TRAF3IP2: variants seen among roughly 807,000 people sequenced by gnomAD.
The protein encoded by TRAF3IP2 is TRAF3 interacting protein 2, also known as E3 ubiquitin ligase TRAF3IP2.
A neutral mutation model predicts 57.9 loss-of-function variants in TRAF3IP2; 35 were observed. The observed-to-expected ratio is 0.60, with a 90% CI of 0.46 to 0.80. The LOEUF (loss-of-function observed/expected upper bound fraction) is 0.80. Among genes scored for constraint, TRAF3IP2 ranks in the 30% least tolerant of loss-of-function variants. The pLI is 0.00. For missense variants in TRAF3IP2, 556 were observed against 706.4 expected, an observed-to-expected ratio of 0.79 and a Z score of 2.41; for synonymous variants, 251 against 268.9, an observed-to-expected ratio of 0.93 and a Z score of 0.65.
intron 1 of TRAF3IP2, chr6:111,601,344 G>T: frequency 1.8e-6 from 1 of 558,834 alleles, no homozygotes; most frequent in South Asian, 2.6e-5. Context: ...GCATTTGACT[G>T]GATCTCATTA....
chr6:111,574,876 TAAGCAAA>T (rs1226971225), intron 4 of TRAF3IP2: 3 of 152,258 alleles, frequency 2.0e-5, no homozygotes, highest in Non-Finnish European at 2.9e-5. Flanking sequence ...GGTTACTTTT[TAAGCAAA>T]AAGCAAAAAA....
rs1378483490 is a variant in TRAF3IP2, at chr6:111,559,171, G to C, written c.*234C>G. On this transcript the variant is annotated 3_prime_UTR_variant, in exon 9 of 9. Transcript: ENST00000368761. ...CATATGGGACACTGGCACCTGCAAT[G>C]GTTTTTTTAAAAGCAGAGAATGCAG... is the stretch of plus-strand genomic sequence containing the variant. 1.3e-5 allele frequency: 6 copies of C among 479,058 alleles called. No individual in the cohort carries two copies. The highest frequency in any genetic ancestry group is 1.2e-4 in the African/African-American group (6 of 52,082). The allele number at this position is 479,058 out of a possible 1,614,324, so 29.7% of individuals were successfully genotyped here.
rs911311694 is a variant in TRAF3IP2, at chr6:111,598,765, A to G, written c.-8-6671T>C. Among the ~76,000 whole-genome samples the G allele has an allele frequency of 2.6e-5, 4 of 152,344 alleles. No individual in the cohort carries two copies. The East Asian group carries it at 7.7e-4, about 29-fold the overall frequency. On this transcript the variant is annotated intron_variant, in intron 1 of 8. Coordinates refer to ENST00000368761, the MANE Select transcript of TRAF3IP2 (RefSeq NM_147686.4). ...AAGTGCATCTATTTTGACTTAAAAG[A>G]TAAAAAATGAAAAGGAAAGGCTCCA...
intron 8 of TRAF3IP2, among the ~76,000 whole-genome samples, chr6:111,562,289 T>C (rs1795473254): frequency 6.6e-6 from 1 of 152,222 alleles, no homozygotes; most frequent in African/African-American, 2.4e-5. Context: ...CTATGTGCAA[T>C]GAAATGCCTC....
rs182444094 is a variant in TRAF3IP2, at chr6:111,580,869, C to T, written c.830-480G>A. Among the ~76,000 whole-genome samples the T allele has an allele frequency of 4.6e-3, 695 of 152,362 alleles. 1 individual carries two copies. The highest frequency in any genetic ancestry group is 0.013 in the South Asian group (65 of 4,828). On this transcript the variant is annotated intron_variant, in intron 2 of 8. Transcript: ENST00000368761. The stretch of plus-strand genomic sequence containing the variant: ...ATGTGCACACACACGTGCGCGCACA[C>T]ACACACCCCACTCTCCTCTTAAGAA...
Position 111,559,539 on chromosome 6 carries a change from T to C in TRAF3IP2, c.1564A>G (p.Thr522Ala), listed in dbSNP as rs2128368098. 6.2e-7 allele frequency: 1 copy of C among 1,614,108 alleles called. No individual in the cohort carries two copies. Among genetic ancestry groups the C allele is most frequent in the Non-Finnish European group, 8.5e-7 (1 of 1,180,006 alleles). ...FPNAKKEHVP[T>A]WLQNTHVYSW... The stretch of plus-strand genomic sequence containing the variant: ...TAGACATGAGTGTTCTGAAGCCAGG[T>C]GGGCACATGCTCCTATGGGAGGCAG... The change falls in exon 9 of 9, where the codon ACC becomes GCC. Residue 522 changes from threonine (T) to alanine (A), a missense_variant. By Grantham distance (58) the Thr-to-Ala change is moderately conservative. Coordinates refer to ENST00000368761, the MANE Select transcript of TRAF3IP2 (RefSeq NM_147686.4).
chr6:111,564,618 G>T (rs1258690292), intron 7 of TRAF3IP2, among the ~76,000 whole-genome samples: 2 of 152,216 alleles, frequency 1.3e-5, no homozygotes, highest in Non-Finnish European at 2.9e-5. Context: ...GGTGCAGGAA[G>T]TCAGCCAGGC....
At chr6:111,578,967 A>C (rs1458583921) in intron 3 of TRAF3IP2, among the ~76,000 whole-genome samples, 2 of 152,122 alleles carry the variant, frequency 1.3e-5, no homozygotes, top group African/African-American at 4.8e-5. Flanking sequence ...CATTTACATG[A>C]GTTTTACCTA....
chr6:111,591,504 T>C lies in TRAF3IP2; in HGVS notation c.583A>G (p.Ile195Val), dbSNP rs1796512488. The stretch of plus-strand genomic sequence containing the variant: ...GGCTGGGAATCATATCCCGTGTCTA[T>C]GGTTGGCAGATCCAGGCCTGCTCGG... ...RNRAGLDLPT[I>V]DTGYDSQPQD... Residue 195 changes from isoleucine (I) to valine (V), a missense_variant, in exon 2 of 9, where the codon ATA becomes GTA. Transcript: ENST00000368761. This position sits in a 1 kb window ranked among gnomAD's most constrained non-coding sequence, Gnocchi z 4.9. 1 of 1,612,024 alleles carries C rather than the reference T, an allele frequency of 6.2e-7. No homozygotes were observed. Among genetic ancestry groups the C allele is most frequent in the Non-Finnish European group, 8.5e-7 (1 of 1,178,362 alleles).
intron 5 of TRAF3IP2, among the ~76,000 whole-genome samples, chr6:111,568,292 T>C (rs1795715100): frequency 1.3e-5 from 2 of 152,332 alleles, no homozygotes; most frequent in South Asian, 4.1e-4. Flanking sequence ...AGTAGAACTC[T>C]TAGGCCTTGA....
At chr6:111,567,107 C>A in intron 6 of TRAF3IP2, 1 of 912,492 alleles carries the variant, frequency 1.1e-6, no homozygotes, top group East Asian at 1.1e-4. Flanking sequence ...GCAGCCGACA[C>A]GGACACGCTG....
chr6:111,586,050 G>T (rs928013073), intron 2 of TRAF3IP2, among the ~76,000 whole-genome samples: 6 of 151,930 alleles, frequency 3.9e-5, no homozygotes, highest in African/African-American at 1.5e-4. Flanking sequence ...TTTTCAAGTT[G>T]TCAAAAAAAA....
Position 111,598,668 on chromosome 6 carries a change from T to C in TRAF3IP2, c.-8-6574A>G, listed in dbSNP as rs142352536. On this transcript the variant is annotated intron_variant, in intron 1 of 8. Transcript: ENST00000368761. ...ACAGTGGTTGCCTCTGGGAAGGGAATTGGATGGCTAGGAATGGGGTAGGAA... is the reference window on the plus strand; with the variant it reads ...ACAGTGGTTGCCTCTGGGAAGGGAACTGGATGGCTAGGAATGGGGTAGGAA... Among the ~76,000 whole-genome samples the C allele has an allele frequency of 2.6e-5, 4 of 152,264 alleles. No homozygotes were observed. The East Asian group carries it at 7.7e-4, about 29-fold the overall frequency.
In TRAF3IP2 at chr6:111,597,833, T is replaced by C. The variant is rs185204803; in HGVS notation, c.-8-5739A>G. ...CATTTTTCTGTTTTTCCTTTTTTTT[T>C]CCAGGCTTTCTCCATATTTACGTGC... On this transcript the variant is annotated intron_variant, in intron 1 of 8. Coordinates refer to ENST00000368761, the MANE Select transcript of TRAF3IP2 (RefSeq NM_147686.4). 177 of 455,982 alleles carry C rather than the reference T, an allele frequency of 3.9e-4. 1 individual carries two copies. Among genetic ancestry groups the C allele is most frequent in the Middle Eastern group, 2.3e-3 (7 of 3,070 alleles). The allele number at this position is 455,982 out of a possible 1,614,324, so 28.2% of individuals were successfully genotyped here. A position where few individuals can be genotyped will look rare whatever the true frequency, so the allele number is the denominator to read the frequency against.
In TRAF3IP2 at chr6:111,559,132, A is replaced by G; in HGVS notation, c.*273T>C. ...GAGAGGCCCAGAATGGACACATCAA[A>G]CTGTCAGGAGGAACATATGGGACAC... On this transcript the variant is annotated 3_prime_UTR_variant, in exon 9 of 9. Coordinates refer to ENST00000368761, the MANE Select transcript of TRAF3IP2 (RefSeq NM_147686.4). The G allele has an allele frequency of 2.7e-6, 1 of 372,504 alleles. No homozygotes were observed. Among genetic ancestry groups the G allele is most frequent in the Non-Finnish European group, 4.9e-6 (1 of 205,908 alleles). 23.1% of individuals were successfully genotyped at this position (372,504 alleles called of 1,614,324 possible). A position where few individuals can be genotyped will look rare whatever the true frequency, so the allele number is the denominator to read the frequency against.
At chr6:111,563,174 G>T in intron 7 of TRAF3IP2, 135 bp from the exon 8 acceptor site, 1 of 654,486 alleles carries the variant, frequency 1.5e-6, no homozygotes, top group Non-Finnish European at 2.7e-6. Context: ...AACATTTTAA[G>T]GCCTCCCCAT....
At chr6:111,581,629 A>C (rs1227833749) in intron 2 of TRAF3IP2, among the ~76,000 whole-genome samples, 2 of 152,196 alleles carry the variant, frequency 1.3e-5, no homozygotes, top group African/African-American at 4.8e-5. Context: ...GCAAGTAAAC[A>C]AAAAAGTGAC....
intron 2 of TRAF3IP2, among the ~76,000 whole-genome samples, chr6:111,589,751 C>T (rs1430591036): frequency 6.6e-6 from 1 of 152,170 alleles, no homozygotes; most frequent in Non-Finnish European, 1.5e-5. Flanking sequence ...CAAGCATCTT[C>T]TAAGTTACAT....
intron 3 of TRAF3IP2, among the ~76,000 whole-genome samples, chr6:111,576,147 G>A (rs1795979391): frequency 6.6e-6 from 1 of 152,154 alleles, no homozygotes; most frequent in African/African-American, 2.4e-5. Context: ...AGTATGACAG[G>A]TGACACAGAT....
Sources: allele counts gnomAD v4.1 joint callset (sites outside exome capture counted in the v4.1 genomes callset), GRCh38; gene constraint gnomAD v4.1.1; non-coding constraint Gnocchi (gnomAD v3.1); transcripts MANE v1.5; gene names NCBI Gene and HGNC (gene_info 2026-07-23, HGNC 2026-07-21).